EHBP1: variants seen among roughly 807,000 people sequenced by gnomAD.
The protein encoded by EHBP1 is EH domain binding protein 1.
A neutral mutation model predicts 144.0 loss-of-function variants in EHBP1; 55 were observed. The ratio of observed to expected loss-of-function variants is 0.38; its 90% CI spans 0.31 to 0.48. The LOEUF (loss-of-function observed/expected upper bound fraction) is 0.48, where lower values mean the gene tolerates loss of function less well. Ranked by LOEUF, EHBP1 falls within the 20% of genes least tolerant of loss-of-function variation. EHBP1 has a pLI of 0.98. For synonymous variants in EHBP1, 469 were observed against 472.7 expected, an observed-to-expected ratio of 0.99 and a Z score of 0.10; for missense variants, 1,200 against 1,364.2, an observed-to-expected ratio of 0.88 and a Z score of 1.90.
intron 7 of EHBP1, chr2:62,858,309 C>T (rs990306656): frequency 1.4e-6 from 1 of 710,826 alleles, no homozygotes; most frequent in Non-Finnish European, 2.4e-6. Context: ...ATTAACCAAA[C>T]ATCTCCTCTT....
At chr2:62,940,518 G>A (rs1168492325) in intron 10 of EHBP1, among the ~76,000 whole-genome samples, 1 of 152,148 alleles carries the variant, frequency 6.6e-6, no homozygotes, top group Non-Finnish European at 1.5e-5. Context: ...TGCCACATCT[G>A]TAAAATCAAG....
At chr2:62,794,875 G>A (rs1382619007) in intron 5 of EHBP1, among the ~76,000 whole-genome samples, 1 of 152,016 alleles carries the variant, frequency 6.6e-6, no homozygotes, top group East Asian at 1.9e-4. Context: ...CCTAAAACAT[G>A]TATAAACCCT....
rs919748060 is a variant in EHBP1, at chr2:62,858,607, T to C, written c.635-562T>C. 15 of 780,078 alleles carry C rather than the reference T, an allele frequency of 1.9e-5. No individual in the cohort carries two copies. In the African/African-American group the frequency reaches 2.4e-4, roughly 12 times the overall value. 48.3% of individuals were successfully genotyped at this position (780,078 alleles called of 1,614,324 possible). A position where few individuals can be genotyped will look rare whatever the true frequency, so the allele number is the denominator to read the frequency against. ...TCTGTCTGTATTTATCTGTCAGTTT[T>C]GTCTTTGTGCTTTTCCTTGAATGTT... is the stretch of plus-strand genomic sequence containing the variant. On this transcript the variant is annotated intron_variant, in intron 7 of 22. Transcript: ENST00000431489.
At chr2:62,803,906 A>T (rs2044240513) in intron 5 of EHBP1, among the ~76,000 whole-genome samples, 1 of 146,764 alleles carries the variant, frequency 6.8e-6, no homozygotes, top group African/African-American at 2.5e-5. Context: ...AACCTTAGGC[A>T]AGTTTTGTAA....
chr2:62,796,176 A>C (rs1276736664), intron 5 of EHBP1, among the ~76,000 whole-genome samples: 1 of 152,050 alleles, frequency 6.6e-6, no homozygotes, highest in Non-Finnish European at 1.5e-5. Flanking sequence ...ACTAGAATAC[A>C]TCAGTTACTT....
chr2:62,871,283 C>T (rs1181835040), intron 9 of EHBP1, among the ~76,000 whole-genome samples: 2 of 152,142 alleles, frequency 1.3e-5, no homozygotes, highest in African/African-American at 4.8e-5. Flanking sequence ...TTTTTAAATG[C>T]CTTAATAAAA....
chr2:62,808,841 G>C (rs961923634), intron 5 of EHBP1, among the ~76,000 whole-genome samples: 1 of 152,116 alleles, frequency 6.6e-6, no homozygotes, highest in Non-Finnish European at 1.5e-5. Context: ...TATGAACTTC[G>C]TAAGTGTTTC....
intron 1 of EHBP1, among the ~76,000 whole-genome samples, chr2:62,678,422 A>G (rs2033391036): frequency 6.6e-6 from 1 of 152,070 alleles, no homozygotes; most frequent in Non-Finnish European, 1.5e-5. Flanking sequence ...CTTTTCTCTC[A>G]TTCTGTGGGT....
intron 5 of EHBP1, among the ~76,000 whole-genome samples, chr2:62,780,953 A>G (rs1361301793): frequency 6.6e-6 from 1 of 152,228 alleles, no homozygotes; most frequent in Non-Finnish European, 1.5e-5. Flanking sequence ...TTACAGATCA[A>G]GTACTGCAAT....
intron 10 of EHBP1, among the ~76,000 whole-genome samples, chr2:62,904,379 T>C (rs920972754): frequency 6.6e-6 from 1 of 152,224 alleles, no homozygotes; most frequent in Non-Finnish European, 1.5e-5. Context: ...AGGCCTTTTA[T>C]CTAGAATAAC....
intron 5 of EHBP1, among the ~76,000 whole-genome samples, chr2:62,797,922 C>G (rs1051775887): frequency 1.3e-5 from 2 of 151,868 alleles, no homozygotes; most frequent in African/African-American, 4.8e-5. Flanking sequence ...AACTAGGTAA[C>G]TAAACAAATG....
At chr2:62,805,697 G>A (rs2044393875) in intron 5 of EHBP1, among the ~76,000 whole-genome samples, 1 of 151,860 alleles carries the variant, frequency 6.6e-6, no homozygotes. Context: ...TTGTATTTTT[G>A]TTGGAGACAG....
rs575984399 is a variant in EHBP1 at position 63,002,850 on chromosome 2, A to G, written c.3103+6084A>G. On this transcript the variant is annotated intron_variant, in intron 19 of 22. Coordinates refer to ENST00000431489, the MANE Select transcript of EHBP1 (RefSeq NM_001142616.3). ...CTAGTTCATTCCATGAATAAAGTAGATGGATTTTTATGATCCAACTCATAG... is the reference window on the plus strand; with the variant it reads ...CTAGTTCATTCCATGAATAAAGTAGGTGGATTTTTATGATCCAACTCATAG... Among the ~76,000 whole-genome samples the G allele has an allele frequency of 2.6e-5, 4 of 152,200 alleles. No individual in the cohort carries two copies. In the South Asian group the frequency reaches 6.2e-4, roughly 24 times the overall value.
At chr2:62,742,021 C>T (rs562023995) in intron 2 of EHBP1, among the ~76,000 whole-genome samples, 2 of 152,136 alleles carry the variant, frequency 1.3e-5, no homozygotes, top group Non-Finnish European at 2.9e-5. Context: ...TGTTTAGATA[C>T]ACAAATACTT....
intron 19 of EHBP1, among the ~76,000 whole-genome samples, chr2:62,999,921 A>C (rs906348363): frequency 1.3e-5 from 2 of 152,224 alleles, no homozygotes; most frequent in Non-Finnish European, 2.9e-5. Flanking sequence ...TTTCCAAAAG[A>C]AACACTGTTG....
At chr2:62,748,951 C>G (rs2152178754) in intron 3 of EHBP1, among the ~76,000 whole-genome samples, 1 of 152,180 alleles carries the variant, frequency 6.6e-6, no homozygotes, top group East Asian at 1.9e-4. Context: ...ATTACCACTT[C>G]TGTAAAGATA....
intron 5 of EHBP1, among the ~76,000 whole-genome samples, chr2:62,786,397 G>T (rs1018721156): frequency 1.3e-5 from 2 of 152,116 alleles, no homozygotes; most frequent in South Asian, 4.1e-4. Context: ...ACCTAGCCTT[G>T]CCACATAGTG....
At chr2:62,916,834 T>C (rs547007736) in intron 10 of EHBP1, among the ~76,000 whole-genome samples, 7 of 150,034 alleles carry the variant, frequency 4.7e-5, no homozygotes, top group Admixed American at 6.7e-5. Flanking sequence ...TTTATTAAAA[T>C]ATAAATATAT....
intron 14 of EHBP1, among the ~76,000 whole-genome samples, chr2:62,957,266 G>A (rs2057749869): frequency 6.6e-6 from 1 of 151,980 alleles, no homozygotes; most frequent in South Asian, 2.1e-4. Flanking sequence ...AAAAAGGTTG[G>A]AAAAATATCA....
Sources: allele counts gnomAD v4.1 joint callset (sites outside exome capture counted in the v4.1 genomes callset), GRCh38; gene constraint gnomAD v4.1.1; transcripts MANE v1.5; gene names NCBI Gene and HGNC (gene_info 2026-07-23, HGNC 2026-07-21).